RHOU: variants seen among roughly 807,000 people sequenced by gnomAD.
RHOU encodes the protein ras homolog family member U.
RHOU carries 8 observed loss-of-function variants against 12.6 expected under a neutral mutation model. The observed-to-expected ratio is 0.64, with a 90% CI of 0.37 to 1.15. The LOEUF is 1.15. Among genes scored for constraint, RHOU ranks in the 50% most tolerant of loss-of-function variants. The pLI, the probability that RHOU is intolerant of heterozygous loss-of-function variation, is 0.01. For missense variants in RHOU, 258 were observed against 347.0 expected, an observed-to-expected ratio of 0.74 and a Z score of 2.04; for synonymous variants, 161 against 147.4, an observed-to-expected ratio of 1.09 and a Z score of -0.67.
the RHOU span, among the ~76,000 whole-genome samples, chr1:228,711,528 T>C: frequency 6.6e-6 from 1 of 152,036 alleles, no homozygotes; most frequent in Non-Finnish European, 1.5e-5. Context: ...ATCTGATCTG[T>C]GACAAACCTG....
chr1:228,670,431 A>G, the RHOU span, among the ~76,000 whole-genome samples: 2 of 152,374 alleles, frequency 1.3e-5, no homozygotes, highest in African/African-American at 2.4e-5. Flanking sequence ...AGTCCTTCCA[A>G]CAAATGATGA....
chr1:228,726,619 C>A, the RHOU span, among the ~76,000 whole-genome samples: 3 of 149,958 alleles, frequency 2.0e-5, no homozygotes, highest in Non-Finnish European at 4.4e-5. Flanking sequence ...GAGCTGAGAT[C>A]GTGCCACTGC....
At chr1:228,718,935 C>T in the RHOU span, among the ~76,000 whole-genome samples, 1 of 152,190 alleles carries the variant, frequency 6.6e-6, no homozygotes, top group African/African-American at 2.4e-5. Context: ...TCAGCACCAA[C>T]TCAAATCAGC....
the RHOU span, among the ~76,000 whole-genome samples, chr1:228,678,941 T>C: frequency 6.6e-6 from 1 of 152,130 alleles, no homozygotes; most frequent in Non-Finnish European, 1.5e-5. Flanking sequence ...ACAGAAAGGC[T>C]ACAGGGCGTG....
Position 228,744,566 on chromosome 1 carries a change from A to G in RHOU, c.*826A>G, listed in dbSNP as rs1015205024. The G allele has an allele frequency of 3.3e-5, 5 of 152,200 alleles. No individual in the cohort carries two copies. Among genetic ancestry groups the G allele is most frequent in the Admixed American group, 6.5e-5 (1 of 15,282 alleles). The allele number at this position is 152,200 out of a possible 1,614,324, so 9.4% of individuals were successfully genotyped here. On this transcript the variant is annotated 3_prime_UTR_variant, in exon 3 of 3. Transcript: ENST00000366691. ...TGTAATACGTGCACCAAACTGCCTC[A>G]ATCCTAGGTAACGAGGGCAACAGGG...
chr1:228,711,345 C>A, the RHOU span, among the ~76,000 whole-genome samples: 4,025 of 152,068 alleles, frequency 0.026, 194 homozygotes, highest in African/African-American at 0.091. Context: ...GAGCCCGCAT[C>A]GCCAAGTCAA....
chr1:228,736,044 G>C, intron 1 of RHOU, 40 bp downstream of exon 1: 1 of 1,557,184 alleles, frequency 6.4e-7, no homozygotes, highest in South Asian at 1.1e-5. Context: ...GCGCGTGGCC[G>C]CGGTCCACCC....
intron 1 of RHOU, among the ~76,000 whole-genome samples, chr1:228,736,280 A>AAAAAAC (rs751839471): frequency 6.6e-6 from 1 of 150,998 alleles, no homozygotes. Context: ...AAAAAAAAAA[A>AAAAAAC]TCTCACAATT....
the RHOU span, among the ~76,000 whole-genome samples, chr1:228,660,888 G>T: frequency 6.2e-5 from 9 of 145,988 alleles, no homozygotes; most frequent in Non-Finnish European, 1.3e-4. Context: ...AGCTGATATT[G>T]CACCATTGTA....
chr1:228,707,084 C>A, the RHOU span, among the ~76,000 whole-genome samples: 1 of 122,298 alleles, frequency 8.2e-6, no homozygotes, highest in Non-Finnish European at 1.6e-5. Context: ...GCCTTTGGGA[C>A]CTTTAGGACA....
At chr1:228,660,921 G>A in the RHOU span, among the ~76,000 whole-genome samples, 5 of 123,860 alleles carry the variant, frequency 4.0e-5, no homozygotes, top group Admixed American at 2.7e-4. Context: ...CAACAAGAGC[G>A]AAACTCTGTC....
At chr1:228,724,825 T>C in the RHOU span, among the ~76,000 whole-genome samples, 4 of 152,182 alleles carry the variant, frequency 2.6e-5, no homozygotes, top group African/African-American at 9.7e-5. Flanking sequence ...TTATGCTAAA[T>C]AGGTGTGGCA....
the RHOU span, among the ~76,000 whole-genome samples, chr1:228,691,188 C>T: frequency 2.6e-5 from 4 of 152,122 alleles, no homozygotes; most frequent in South Asian, 8.3e-4. Context: ...TCCAGGCCTC[C>T]CTCACTATCA....
the RHOU span, among the ~76,000 whole-genome samples, chr1:228,693,489 CAG>C: frequency 8.5e-3 from 1,291 of 151,996 alleles, 23 homozygotes; most frequent in African/African-American, 0.03. Flanking sequence ...TTTTTTGACA[CAG>C]AGTCTCCCGC....
At chr1:228,696,836 C>G in the RHOU span, among the ~76,000 whole-genome samples, 3 of 152,312 alleles carry the variant, frequency 2.0e-5, no homozygotes, top group Admixed American at 6.5e-5. Flanking sequence ...AATGAGCCAC[C>G]ATGCCTGGTC....
the RHOU span, among the ~76,000 whole-genome samples, chr1:228,646,576 A>C: frequency 3.9e-5 from 5 of 127,888 alleles, no homozygotes; most frequent in African/African-American, 6.1e-5. Context: ...GTCCCGACCA[A>C]GACCCGGCCG....
chr1:228,743,452 G>A lies in RHOU; in HGVS notation c.489G>A (p.Ser163=), dbSNP rs61732781. 702 of 1,614,078 alleles carry A rather than the reference G, an allele frequency of 4.3e-4. 2 individuals carry two copies. The African/African-American group carries it at 6.9e-3, about 16-fold the overall frequency. ...KAPIILVGTQ[S]DLREDVKVLI... is the part of the protein sequence containing the mutation. ...CCATCATCCTAGTTGGAACGCAGTC[G>A]GATCTCAGAGAAGATGTCAAAGTCC... Residue 163 remains serine, a synonymous_variant, in exon 3 of 3, where the codon TCG becomes TCA. Transcript: ENST00000366691. This position sits in a 1 kb window ranked among gnomAD's most constrained non-coding sequence, Gnocchi z 5.1.
the RHOU span, among the ~76,000 whole-genome samples, chr1:228,686,193 T>C: frequency 1.3e-5 from 2 of 152,178 alleles, no homozygotes; most frequent in East Asian, 1.9e-4. Flanking sequence ...AACTTCTTCA[T>C]GAATAAAATA....
the RHOU span, among the ~76,000 whole-genome samples, chr1:228,674,631 C>A: frequency 5.9e-5 from 9 of 152,088 alleles, no homozygotes; most frequent in Non-Finnish European, 1.2e-4. Flanking sequence ...CAGGCATGAG[C>A]CACCGCACCC....
Sources: gnomAD v4.1 joint callset for allele counts (sites outside exome capture counted in the v4.1 genomes callset) on GRCh38, gnomAD v4.1.1 for gene constraint, Gnocchi (gnomAD v3.1) non-coding constraint, MANE v1.5 for transcripts, NCBI Gene and HGNC (gene_info 2026-07-23, HGNC 2026-07-21) for gene names.